DOCK10: variants seen among roughly 807,000 people sequenced by gnomAD.
DOCK10 encodes the protein dedicator of cytokinesis 10, also known as dedicator of cytokinesis protein 10.
A neutral mutation model predicts 280.1 loss-of-function variants in DOCK10; 145 were observed. That is an observed-to-expected ratio of 0.52 (90% CI 0.45 to 0.59). DOCK10 has a LOEUF of 0.59. Among genes scored for constraint, DOCK10 ranks in the 20% least tolerant of loss-of-function variants. The pLI is 0.00. For synonymous variants in DOCK10, 915 were observed against 942.2 expected, an observed-to-expected ratio of 0.97 and a Z score of 0.53; for missense variants, 2,368 against 2,651.7, an observed-to-expected ratio of 0.89 and a Z score of 2.35.
intron 1 of DOCK10, among the ~76,000 whole-genome samples, chr2:224,964,454 G>A (rs1704618625): frequency 1.3e-5 from 2 of 151,828 alleles, no homozygotes; most frequent in South Asian, 4.2e-4. Context: ...TTTAAGTCCT[G>A]GCCTTTAAGT....
At chr2:224,851,434 G>T (rs1696726285) in intron 18 of DOCK10, among the ~76,000 whole-genome samples, 1 of 147,436 alleles carries the variant, frequency 6.8e-6, no homozygotes. Flanking sequence ...TGCTGACAGT[G>T]GCTCAAGACC....
At chr2:224,901,166 A>ATCAT (rs1700276210) in intron 3 of DOCK10, among the ~76,000 whole-genome samples, 1 of 152,216 alleles carries the variant, frequency 6.6e-6, no homozygotes, top group Non-Finnish European at 1.5e-5. Context: ...CTCTAAGGAG[A>ATCAT]TCATTAAAAA....
Position 224,805,655 on chromosome 2 carries a change from A to G in DOCK10, c.3815-126T>C, listed in dbSNP as rs931238773. The stretch of plus-strand genomic sequence containing the variant: ...AGCAGCAGTGTTGTCAAAGACCAAC[A>G]TAACAGCGTCTGGGATTGGCATTAA... On this transcript the variant is annotated intron_variant, in intron 34 of 55. Coordinates refer to ENST00000258390, the MANE Select transcript of DOCK10 (RefSeq NM_014689.3). This position sits in a 1 kb window ranked among gnomAD's most constrained non-coding sequence, Gnocchi z 4.3. 6.4e-6 allele frequency: 8 copies of G among 1,242,346 alleles called. No individual in the cohort carries two copies. The highest frequency in any genetic ancestry group is 8.9e-6 in the Non-Finnish European group (8 of 896,260). The allele number at this position is 1,242,346 out of a possible 1,614,324, so 77.0% of individuals were successfully genotyped here.
chr2:224,825,264 CA>C (rs1694771763), intron 27 of DOCK10, among the ~76,000 whole-genome samples: 1 of 152,122 alleles, frequency 6.6e-6, no homozygotes, highest in African/African-American at 2.4e-5. Flanking sequence ...AGGCTTGAGC[CA>C]CCCCGCCTGG....
At chr2:224,846,150 GT>G (rs1239563416) in intron 19 of DOCK10, among the ~76,000 whole-genome samples, 1 of 152,108 alleles carries the variant, frequency 6.6e-6, no homozygotes, top group Non-Finnish European at 1.5e-5. Context: ...CTTTTTTATT[GT>G]GATGGATGAT....
In DOCK10 at chr2:225,030,995, A is replaced by T. The variant is rs541070713; in HGVS notation, c.123+11257T>A. ...TATACTCCTGTCATCTCTAAGTATG[A>T]CATTCTCTTTTCCATTTGGCAAGCA... On this transcript the variant is annotated intron_variant, in intron 1 of 55. Coordinates refer to ENST00000258390, the MANE Select transcript of DOCK10 (RefSeq NM_014689.3). Among the ~76,000 whole-genome samples the T allele has an allele frequency of 4.6e-5, 7 of 152,304 alleles. No individual in the cohort carries two copies. The South Asian group carries it at 1.5e-3, about 32-fold the overall frequency.
chr2:224,850,577 TG>T (rs1179912390), intron 18 of DOCK10, among the ~76,000 whole-genome samples: 1 of 152,186 alleles, frequency 6.6e-6, no homozygotes, highest in Non-Finnish European at 1.5e-5. Context: ...TGTTTAAGAC[TG>T]ATTCCTTTAG....
chr2:224,851,098 A>G (rs945500327), intron 18 of DOCK10, among the ~76,000 whole-genome samples: 1 of 152,112 alleles, frequency 6.6e-6, no homozygotes, highest in East Asian at 1.9e-4. Context: ...GCATGCTACT[A>G]TTCTGTCCAG....
At chr2:224,930,451 G>T (rs1369319016) in intron 2 of DOCK10, among the ~76,000 whole-genome samples, 1 of 152,078 alleles carries the variant, frequency 6.6e-6, no homozygotes, top group Non-Finnish European at 1.5e-5. Flanking sequence ...AAAAACATTG[G>T]AAGAGTTTCT....
chr2:224,955,209 G>T (rs770570066), intron 1 of DOCK10, among the ~76,000 whole-genome samples: 4 of 152,144 alleles, frequency 2.6e-5, no homozygotes, highest in African/African-American at 4.8e-5. Context: ...TAATTACCCT[G>T]AAAAGCACAT....
chr2:224,773,447 A>G (rs1690590788), intron 52 of DOCK10, 100 bp from the exon 53 acceptor site: 2 of 1,057,372 alleles, frequency 1.9e-6, no homozygotes, highest in Admixed American at 4.7e-5. Flanking sequence ...TTCACGGCAC[A>G]TGGCACCTTC....
In DOCK10 at chr2:224,789,400, T is replaced by C. The variant is rs1194906787; in HGVS notation, c.5312-230A>G. Among the ~76,000 whole-genome samples, 3 of 152,198 alleles carry C rather than the reference T, an allele frequency of 2.0e-5. No homozygotes were observed. In the South Asian group the frequency reaches 6.2e-4, roughly 32 times the overall value. Reference sequence around the variant, plus strand: ...TGGCATTTTTTATAAAGAAATAGCATGGGATTATGGATAGAACATAAGATT... The same window carrying C: ...TGGCATTTTTTATAAAGAAATAGCACGGGATTATGGATAGAACATAAGATT... On this transcript the variant is annotated intron_variant, in intron 47 of 55. Transcript: ENST00000258390.
At chr2:224,818,398 C>CTTTTTTT (rs386392783) in intron 29 of DOCK10, among the ~76,000 whole-genome samples, 2 of 126,444 alleles carry the variant, frequency 1.6e-5, no homozygotes, top group African/African-American at 3.2e-5. Flanking sequence ...TGGCCCCTGC[C>CTTTTTTT]TTTTTTTTTT....
chr2:224,849,488 G>A lies in DOCK10; in HGVS notation c.2235+19C>T. On this transcript the variant is annotated intron_variant, in intron 19 of 55. Coordinates refer to ENST00000258390, the MANE Select transcript of DOCK10 (RefSeq NM_014689.3). ...CCTTTCTTAGGAACCGCTGGGGGCAGTGGAGGGCTAGCTCTTACCTCATCT... is the reference window on the plus strand; with the variant it reads ...CCTTTCTTAGGAACCGCTGGGGGCAATGGAGGGCTAGCTCTTACCTCATCT... The A allele has an allele frequency of 1.3e-6, 2 of 1,579,654 alleles. No homozygotes were observed. The highest frequency in any genetic ancestry group is 1.7e-6 in the Non-Finnish European group (2 of 1,154,136).
intron 1 of DOCK10, among the ~76,000 whole-genome samples, chr2:224,945,260 T>G (rs1703332873): frequency 6.6e-6 from 1 of 152,214 alleles, no homozygotes. Context: ...TTGAAACAGT[T>G]ATTCTCCTTA....
rs554034095 is a variant in DOCK10 at position 224,844,405 on chromosome 2, C to T, written c.2568+348G>A. 1.1e-4 allele frequency among the ~76,000 whole-genome samples: 17 copies of T among 152,288 alleles called. No homozygotes were observed. In the South Asian group the frequency reaches 3.5e-3, roughly 32 times the overall value. On this transcript the variant is annotated intron_variant, in intron 22 of 55. Transcript: ENST00000258390. ...TCGGCCTCCCAAAGTGCTGGGATTA[C>T]AGGAGTGAGCCACCGGGCCTGGCCT... is the stretch of plus-strand genomic sequence containing the variant.
chr2:224,876,752 G>A (rs73079853), intron 7 of DOCK10, among the ~76,000 whole-genome samples: 2,320 of 152,114 alleles, frequency 0.015, 56 homozygotes, highest in African/African-American at 0.052. Flanking sequence ...CAGTTGCCAC[G>A]AGCACACTCT....
rs1350618183 is a variant in DOCK10 at position 224,840,008 on chromosome 2, A to G, written c.2726T>C (p.Leu909Pro). 2 of 1,565,542 alleles carry G rather than the reference A, an allele frequency of 1.3e-6. No homozygotes were observed. The highest frequency in any genetic ancestry group is 1.7e-6 in the Non-Finnish European group (2 of 1,152,176). Residue 909 changes from leucine (L) to proline (P), a missense_variant, in exon 24 of 56, where the codon CTC becomes CCC. Physicochemically the swap from Leu to Pro is moderately conservative, Grantham distance 98. Around this residue, in one of 2 missense-constraint regions of DOCK10, gnomAD observed 1,209 missense variants for 1,250.9 expected, o/e 0.97. Transcript: ENST00000258390. ...MSFLPIILNQ[L>P]FKVLVQNEED... ...CTCATTCTGTACCAGAACTTTGAAG[A>G]GCTGATTCAAAATTATAGGCAGAAA...
chr2:225,011,586 G>A (rs933880169), intron 1 of DOCK10, among the ~76,000 whole-genome samples: 2 of 152,106 alleles, frequency 1.3e-5, no homozygotes, highest in African/African-American at 2.4e-5. Flanking sequence ...TAATACCTTC[G>A]AAACTGAAAT....
Sources: gnomAD v4.1 joint callset for allele counts (sites outside exome capture counted in the v4.1 genomes callset) on GRCh38, gnomAD v4.1.1 for gene constraint, gnomAD v4.1.1 regional missense constraint, Gnocchi (gnomAD v3.1) non-coding constraint, MANE v1.5 for transcripts, NCBI Gene and HGNC (gene_info 2026-07-23, HGNC 2026-07-21) for gene names.